Variants in DNASE1 observed in about 807,000 individuals in gnomAD.
DNASE1 encodes deoxyribonuclease-1.
In DNASE1, 40 loss-of-function variants were observed where a neutral mutation model predicts 33.9. The ratio of observed to expected loss-of-function variants is 1.18; its 90% CI spans 0.92 to 1.54. DNASE1 has a LOEUF of 1.54. DNASE1 is among the 40% of genes most tolerant of loss of function. The probability of loss-of-function intolerance (pLI) is 0.00; values close to 1 mark genes in which losing one functional copy is unlikely to be tolerated. For missense variants in DNASE1, 518 were observed against 372.6 expected (o/e 1.39, Z -3.21); for synonymous variants, 216 against 160.0 (o/e 1.35, Z -2.64).
At chr16:3,648,131 T>C (rs892956758) in intron 1 of DNASE1, among the ~76,000 whole-genome samples, 2 of 152,106 alleles carry the variant, frequency 1.3e-5, no homozygotes, top group Non-Finnish European at 2.9e-5. Flanking sequence ...ATGGCACCAC[T>C]GTCCTCCAGC....
intron 1 of DNASE1, among the ~76,000 whole-genome samples, chr16:3,631,017 T>C (rs565631448): frequency 8.3e-4 from 126 of 152,070 alleles, no homozygotes; most frequent in Admixed American, 6.1e-3. Context: ...ATATACCTTA[T>C]AGGATTTTAT....
At chr16:3,629,361 C>T (rs1235825612) in intron 1 of DNASE1, among the ~76,000 whole-genome samples, 4 of 151,988 alleles carry the variant, frequency 2.6e-5, no homozygotes, top group Admixed American at 2.0e-4. Context: ...ATATGTTTCC[C>T]ATTATTCCAT....
At chr16:3,644,363 G>C (rs1256391968) in intron 1 of DNASE1, among the ~76,000 whole-genome samples, 1 of 152,132 alleles carries the variant, frequency 6.6e-6, no homozygotes, top group Non-Finnish European at 1.5e-5. Context: ...AGGGGTCCAA[G>C]ACCAGCCTGG....
intron 1 of DNASE1, among the ~76,000 whole-genome samples, chr16:3,622,050 G>T (rs552838405): frequency 6.6e-6 from 1 of 152,062 alleles, no homozygotes; most frequent in East Asian, 1.9e-4. Context: ...TTGAAACCCC[G>T]TCTTTACTAA....
chr16:3,652,023 TC>T (rs1279826865), upstream of DNASE1: 2 of 152,338 alleles, frequency 1.3e-5, no homozygotes, highest in African/African-American at 4.8e-5. Context: ...CAGACCAGGC[TC>T]CTCCAGGGCT....
At chr16:3,663,298 C>A in exon 10 of DNASE1, 1 of 1,295,684 alleles carries the variant, frequency 7.7e-7, no homozygotes. Flanking sequence ...TCCCACAAGG[C>A]TCTTCTCGGG....
chr16:3,659,947 G>A (rs1029596384), downstream of DNASE1: 6 of 152,100 alleles, frequency 3.9e-5, no homozygotes, highest in East Asian at 1.9e-4. Context: ...ATGAGGTCTC[G>A]AACTCCTGAC....
intron 1 of DNASE1, among the ~76,000 whole-genome samples, chr16:3,635,657 C>G (rs998434665): frequency 6.6e-6 from 1 of 150,478 alleles, no homozygotes; most frequent in Admixed American, 6.6e-5. Context: ...GAGAAAGTCT[C>G]TTCTCTTTTG....
chr16:3,659,040 C>T (rs1596671320), downstream of DNASE1: 2 of 642,548 alleles, frequency 3.1e-6, no homozygotes, highest in East Asian at 3.0e-5. Flanking sequence ...CCAGAAAACC[C>T]AAGAGAATCA....
At chr16:3,641,243 T>G (rs2042014092), upstream of DNASE1, 3 of 304,996 alleles carry the variant, frequency 9.8e-6, no homozygotes, top group Admixed American at 5.1e-5. Flanking sequence ...GCAAGGTGAG[T>G]GGACGCATTT....
chr16:3,655,107 A>G, intron 1 of DNASE1, 63 bp downstream of exon 1: 1 of 596,364 alleles, frequency 1.7e-6, no homozygotes, highest in Non-Finnish European at 3.0e-6. Flanking sequence ...GGAGGCTTAG[A>G]GTCTCATCCT....
At chr16:3,662,704 C>CAGCGGCACTCCCG, downstream of DNASE1, 1 of 705,210 alleles carries the variant, frequency 1.4e-6, no homozygotes. Flanking sequence ...CTTCCTGCCT[C>CAGCGGCACTCCCG]AGCGGCACTC....
At chr16:3,625,071 C>T (rs1202997065) in intron 1 of DNASE1, among the ~76,000 whole-genome samples, 1 of 152,094 alleles carries the variant, frequency 6.6e-6, no homozygotes, top group Non-Finnish European at 1.5e-5. Flanking sequence ...CTTTGGGAGG[C>T]CTAGGCGGGC....
chr16:3,655,762 G>C (rs1323111302), intron 2 of DNASE1, 87 bp from the exon 3 acceptor site: 5 of 1,528,322 alleles, frequency 3.3e-6, no homozygotes, highest in Admixed American at 1.7e-5. Flanking sequence ...GCAATGCCAC[G>C]AGCATCAGCT....
Position 3,655,846 on chromosome 16 carries a change from C to A in DNASE1, c.148-3C>A, listed in dbSNP as rs754427838. Reference sequence around the variant, plus strand: ...CTCAGCACCACTGTGGCCCTGCCCCCAGATCCTGAGCCGCTATGACATCGC... The same window carrying A: ...CTCAGCACCACTGTGGCCCTGCCCCAAGATCCTGAGCCGCTATGACATCGC... On this transcript the variant is annotated splice_polypyrimidine_tract_variant and splice_region_variant and intron_variant, in intron 2 of 8. Coordinates refer to ENST00000246949, the MANE Select transcript of DNASE1 (RefSeq NM_005223.4). The A allele has an allele frequency of 6.2e-7, 1 of 1,613,212 alleles. No homozygotes were observed. The highest frequency in any genetic ancestry group is 8.5e-7 in the Non-Finnish European group (1 of 1,179,746).
upstream of DNASE1, chr16:3,650,616 A>AG (rs1345990285): frequency 6.8e-6 from 1 of 147,870 alleles, no homozygotes. Context: ...AAAAAAAAAA[A>AG]AAAAGAAAAG....
At chr16:3,633,302 A>C (rs144919494) in intron 1 of DNASE1, among the ~76,000 whole-genome samples, 2,113 of 151,980 alleles carry the variant, frequency 0.014, 27 homozygotes, top group Non-Finnish European at 0.013. Context: ...TATGCTTCTT[A>C]TTATATACTT....
At chr16:3,613,890 C>T (rs147625778) in intron 1 of DNASE1, among the ~76,000 whole-genome samples, 7,574 of 150,978 alleles carry the variant, frequency 0.05, 244 homozygotes, top group Admixed American at 0.07. Context: ...TACAGGCGCC[C>T]GCAACCGCGC....
chr16:3,615,992 G>T (rs1007987809), intron 1 of DNASE1, among the ~76,000 whole-genome samples: 1 of 152,192 alleles, frequency 6.6e-6, no homozygotes, highest in African/African-American at 2.4e-5. Flanking sequence ...GGAAAGAATT[G>T]TCTCCTGAGT....
Sources: gnomAD v4.1 joint callset for allele counts (sites outside exome capture counted in the v4.1 genomes callset) on GRCh38, gnomAD v4.1.1 for gene constraint, MANE v1.5 for transcripts, NCBI Gene and HGNC (gene_info 2026-07-23, HGNC 2026-07-21) for gene names.